PPP1R21: variants seen among roughly 807,000 people sequenced by gnomAD.
PPP1R21 encodes protein phosphatase 1 regulatory subunit 21.
In PPP1R21, 85 loss-of-function variants were observed where a neutral mutation model predicts 112.8. The observed-to-expected ratio is 0.75, with a 90% CI of 0.63 to 0.90. The LOEUF (loss-of-function observed/expected upper bound fraction) is 0.90. Among genes scored for constraint, PPP1R21 ranks in the 40% least tolerant of loss-of-function variants. The probability of loss-of-function intolerance (pLI) is 0.00; values close to 1 mark genes in which losing one functional copy is unlikely to be tolerated. For synonymous variants in PPP1R21, 381 were observed against 322.3 expected, an observed-to-expected ratio of 1.18 and a Z score of -1.95; for missense variants, 1,199 against 901.5, an observed-to-expected ratio of 1.33 and a Z score of -4.23.
At chr2:48,490,235 AAAAAG>A (rs889652947) in intron 14 of PPP1R21, among the ~76,000 whole-genome samples, 12 of 151,146 alleles carry the variant, frequency 7.9e-5, no homozygotes, top group African/African-American at 2.4e-4. Context: ...AAAAAAAAAA[AAAAAG>A]AAAGAAAAGA....
chr2:48,451,068 G>A lies in PPP1R21; in HGVS notation c.118G>A (p.Ala40Thr), dbSNP rs756783071. 1.2e-6 allele frequency: 2 copies of A among 1,613,132 alleles called. No individual in the cohort carries two copies. Among genetic ancestry groups the A allele is most frequent in the South Asian group, 2.2e-5 (2 of 91,052 alleles). The change falls in exon 2 of 22, where the codon GCT becomes ACT. Residue 40 changes from alanine to threonine, a missense_variant. Ala to Thr is a moderately conservative substitution (Grantham distance 58). Coordinates refer to ENST00000294952, the MANE Select transcript of PPP1R21 (RefSeq NM_001135629.3). ...GVVDEQANSAALKEQLKMKDQ... is the reference protein window; with the variant it reads ...GVVDEQANSATLKEQLKMKDQ... ...TGTGGATGAACAAGCAAATTCTGCA[G>A]CTTTAAAGGTGGGCAACAGGATATT...
intron 1 of PPP1R21, chr2:48,441,317 G>C (rs1300105146): frequency 2.2e-5 from 10 of 461,342 alleles, no homozygotes; most frequent in Non-Finnish European, 4.0e-6. Flanking sequence ...TCTAATGCTG[G>C]CTGAGAAGGG....
At chr2:48,476,203 A>G (rs1668748208) in intron 12 of PPP1R21, among the ~76,000 whole-genome samples, 1 of 152,234 alleles carries the variant, frequency 6.6e-6, no homozygotes, top group Non-Finnish European at 1.5e-5. Context: ...AAATGGAATA[A>G]TATGGTATGT....
intron 1 of PPP1R21, among the ~76,000 whole-genome samples, chr2:48,445,273 C>T (rs1486263167): frequency 6.6e-6 from 1 of 151,720 alleles, no homozygotes; most frequent in Non-Finnish European, 1.5e-5. Context: ...CTGTGCTGTC[C>T]AGCAGGGTAA....
Position 48,485,540 on chromosome 2 carries a change from C to G in PPP1R21, c.1319-1091C>G, listed in dbSNP as rs186232862. Among the ~76,000 whole-genome samples, 976 of 152,060 alleles carry G rather than the reference C, an allele frequency of 6.4e-3. 16 individuals carry two copies. Among genetic ancestry groups the G allele is most frequent in the African/African-American group, 0.022 (905 of 41,476 alleles). ...CCATACCTTTTCTATAAGTCTAAAACTATCCTAAATCAAAGACGTATTTAT... is the reference window on the plus strand; with the variant it reads ...CCATACCTTTTCTATAAGTCTAAAAGTATCCTAAATCAAAGACGTATTTAT... On this transcript the variant is annotated intron_variant, in intron 13 of 21. Transcript: ENST00000294952.
chr2:48,464,905 G>A (rs1297400374), intron 7 of PPP1R21, 32 bp from the exon 8 acceptor site: 2 of 1,527,356 alleles, frequency 1.3e-6, no homozygotes, highest in Non-Finnish European at 1.8e-6. Context: ...TGTGAAATGA[G>A]AGACTTAATG....
chr2:48,478,525 T>G (rs1668858232), intron 12 of PPP1R21, among the ~76,000 whole-genome samples: 1 of 152,222 alleles, frequency 6.6e-6, no homozygotes, highest in African/African-American at 2.4e-5. Flanking sequence ...GTTTAAGCTC[T>G]GCTGATTGCT....
At chr2:48,486,081 A>G (rs190159210) in intron 13 of PPP1R21, among the ~76,000 whole-genome samples, 165 of 151,500 alleles carry the variant, frequency 1.1e-3, no homozygotes, top group African/African-American at 3.8e-3. Flanking sequence ...CTATTCTTGG[A>G]CTGGAGACAG....
In PPP1R21 at chr2:48,469,277, GTGTGTGTGTGTGTGTGTGTA is replaced by G. The variant is rs1199561331; in HGVS notation, c.898-1806_898-1787del. Among the ~76,000 whole-genome samples the G allele has an allele frequency of 2.7e-4, 11 of 40,312 alleles. 1 individual carries two copies. The highest frequency in any genetic ancestry group is 7.8e-4 in the Admixed American group (3 of 3,870). 26.4% of individuals were successfully genotyped at this position (40,312 alleles called of 152,430 possible). The stretch of plus-strand genomic sequence containing the variant: ...ATATTTGAATTGTGTGTGTGTGTGT[GTGTGTGTGTGTGTGTGTGTA>G]TGTATATATATACACACACACACAT... On this transcript the variant is annotated intron_variant, in intron 9 of 21. Coordinates refer to ENST00000294952, the MANE Select transcript of PPP1R21 (RefSeq NM_001135629.3).
intron 17 of PPP1R21, among the ~76,000 whole-genome samples, chr2:48,500,311 A>G (rs972433295): frequency 1.3e-5 from 2 of 152,164 alleles, no homozygotes; most frequent in African/African-American, 2.4e-5. Context: ...ACAAAAAAAT[A>G]TATCTGCACA....
At position 48,507,805 on chromosome 2, in the gene PPP1R21, G is replaced by C. The variant is rs1326587296; in HGVS notation, c.2085+420G>C. ...TTTTGAGGTGGAGTCTTGCTATGTT[G>C]CTCAGGCTACAGTGCAGTGGCACGG... On this transcript the variant is annotated intron_variant, in intron 19 of 21. Transcript: ENST00000294952. 6.8e-5 allele frequency among the ~76,000 whole-genome samples: 6 copies of C among 87,842 alleles called. 1 individual carries two copies. In the East Asian group the frequency reaches 2.4e-3, roughly 35 times the overall value. 57.6% of individuals were successfully genotyped at this position (87,842 alleles called of 152,430 possible).
intron 1 of PPP1R21, among the ~76,000 whole-genome samples, chr2:48,447,992 C>G (rs1667322383): frequency 1.3e-5 from 2 of 151,704 alleles, no homozygotes; most frequent in Non-Finnish European, 2.9e-5. Context: ...AAAAAAAGAT[C>G]AGGCTAATAA....
chr2:48,453,014 C>T (rs1197671314), intron 2 of PPP1R21, among the ~76,000 whole-genome samples: 1 of 149,956 alleles, frequency 6.7e-6, no homozygotes, highest in Non-Finnish European at 1.5e-5. Context: ...AGTGCAGTGG[C>T]ACAATCTCGG....
chr2:48,481,646 G>A (rs1228129801), intron 13 of PPP1R21, among the ~76,000 whole-genome samples: 1 of 152,188 alleles, frequency 6.6e-6, no homozygotes, highest in Non-Finnish European at 1.5e-5. Context: ...GGGAAGCTGA[G>A]TGGGAAGATC....
intron 2 of PPP1R21, among the ~76,000 whole-genome samples, chr2:48,451,628 G>A (rs1281086132): frequency 6.6e-6 from 1 of 152,170 alleles, no homozygotes; most frequent in Non-Finnish European, 1.5e-5. Flanking sequence ...GAAGGAATTT[G>A]TTTCTGCCTC....
intron 17 of PPP1R21, among the ~76,000 whole-genome samples, chr2:48,503,885 G>A (rs1572895583): frequency 2.0e-5 from 3 of 151,684 alleles, no homozygotes; most frequent in South Asian, 2.1e-4. Flanking sequence ...CCCAGGAGGC[G>A]GAGGTTGCAG....
chr2:48,491,299 G>A, intron 15 of PPP1R21, 129 bp downstream of exon 15: 1 of 1,021,012 alleles, frequency 9.8e-7, no homozygotes, highest in Admixed American at 2.9e-5. Flanking sequence ...TTGTTGGTGG[G>A]TGTTGGGGGA....
At chr2:48,491,808 T>A (rs949667925) in intron 15 of PPP1R21, among the ~76,000 whole-genome samples, 3 of 152,104 alleles carry the variant, frequency 2.0e-5, no homozygotes, top group African/African-American at 7.2e-5. Context: ...AAAAATTGTA[T>A]CTATAAAATA....
At chr2:48,496,470 G>GT (rs11305363) in intron 16 of PPP1R21, among the ~76,000 whole-genome samples, 16,518 of 136,144 alleles carry the variant, frequency 0.12, 1,068 homozygotes, top group Middle Eastern at 0.19. Context: ...TGGGTTTTGG[G>GT]TTTTTTTTTT....
Sources: allele counts gnomAD v4.1 joint callset (sites outside exome capture counted in the v4.1 genomes callset), GRCh38; gene constraint gnomAD v4.1.1; transcripts MANE v1.5; gene names NCBI Gene and HGNC (gene_info 2026-07-23, HGNC 2026-07-21).